The following SLC4A4 variants were observed in gnomAD, a reference collection of about 807,000 sequenced individuals.
SLC4A4 encodes solute carrier family 4 member 4, also known as electrogenic sodium bicarbonate cotransporter 1.
A neutral mutation model predicts 111.5 loss-of-function variants in SLC4A4; 27 were observed. The ratio of observed to expected loss-of-function variants is 0.24; its 90% CI spans 0.18 to 0.33. The LOEUF is 0.33. SLC4A4 is among the 10% of genes least tolerant of loss of function. The pLI is 1.00. For synonymous variants in SLC4A4, 443 were observed against 463.4 expected (o/e 0.96, Z 0.57); for missense variants, 909 against 1,315.5 (o/e 0.69, Z 4.78).
At chr4:71,323,819 A>C (rs1306623377) in intron 3 of SLC4A4, among the ~76,000 whole-genome samples, 3 of 145,498 alleles carry the variant, frequency 2.1e-5, no homozygotes, top group African/African-American at 8.4e-5. Flanking sequence ...TGGCATCCCC[A>C]AACTACTGTG....
At chr4:71,466,765 T>C (rs573216048) in intron 13 of SLC4A4, among the ~76,000 whole-genome samples, 188 bp downstream of exon 13, 215 of 152,100 alleles carry the variant, frequency 1.4e-3, no homozygotes, top group African/African-American at 4.9e-3. Context: ...GTGATTCGAC[T>C]GAGGCTCTTA....
chr4:71,423,329 A>C (rs1722750102), intron 7 of SLC4A4, among the ~76,000 whole-genome samples: 1 of 152,146 alleles, frequency 6.6e-6, no homozygotes, highest in East Asian at 1.9e-4. Flanking sequence ...CTGCTCAATG[A>C]AATAAAAGAG....
At chr4:71,115,996 G>A (rs1348186988) in intron 2 of SLC4A4, among the ~76,000 whole-genome samples, 1 of 152,212 alleles carries the variant, frequency 6.6e-6, no homozygotes, top group Non-Finnish European at 1.5e-5. Context: ...CCAGGTTGAA[G>A]CGATTCTCCT....
At chr4:71,317,771 C>T (rs1385218262) in intron 3 of SLC4A4, among the ~76,000 whole-genome samples, 1 of 151,890 alleles carries the variant, frequency 6.6e-6, no homozygotes, top group Non-Finnish European at 1.5e-5. Flanking sequence ...TCAGACAAAG[C>T]TACATAACTG....
intron 2 of SLC4A4, among the ~76,000 whole-genome samples, chr4:71,106,947 A>AATAAATAAATAAATAAATAG (rs1560722956): frequency 6.6e-6 from 1 of 151,338 alleles, no homozygotes; most frequent in African/African-American, 2.4e-5. Flanking sequence ...TAAATAAATA[A>AATAAATAAATAAATAAATAG]TAAGAAAAAA....
intron 2 of SLC4A4, among the ~76,000 whole-genome samples, chr4:71,118,707 G>C (rs1743338136): frequency 6.6e-6 from 1 of 152,068 alleles, no homozygotes; most frequent in South Asian, 2.1e-4. Flanking sequence ...GTATATTAAG[G>C]ATATTATTTA....
chr4:71,113,108 G>T (rs1257239463), intron 2 of SLC4A4, among the ~76,000 whole-genome samples: 1 of 152,174 alleles, frequency 6.6e-6, no homozygotes, highest in African/African-American at 2.4e-5. Context: ...TACATTTTGA[G>T]CTTGACCATA....
intron 20 of SLC4A4, among the ~76,000 whole-genome samples, chr4:71,550,325 C>T (rs1379640093): frequency 6.6e-6 from 1 of 151,930 alleles, no homozygotes; most frequent in Non-Finnish European, 1.5e-5. Flanking sequence ...AAGTCAGCTA[C>T]TTTCAGATTA....
At chr4:71,457,105 A>T (rs981555669) in intron 12 of SLC4A4, among the ~76,000 whole-genome samples, 1 of 152,164 alleles carries the variant, frequency 6.6e-6, no homozygotes, top group Non-Finnish European at 1.5e-5. Context: ...GAGTCACTGC[A>T]TGGCTGTTGT....
At chr4:71,422,249 A>C (rs1406272644) in intron 7 of SLC4A4, among the ~76,000 whole-genome samples, 15 of 143,696 alleles carry the variant, frequency 1.0e-4, no homozygotes, top group South Asian at 7.4e-4. Flanking sequence ...GAAATGGATA[A>C]ATTCCTCGAC....
chr4:71,435,038 A>G (rs1723994745), intron 7 of SLC4A4, among the ~76,000 whole-genome samples: 1 of 152,162 alleles, frequency 6.6e-6, no homozygotes, highest in Non-Finnish European at 1.5e-5. Flanking sequence ...TCAAACTACC[A>G]CTGAATTTCT....
chr4:71,333,995 G>T (rs777551687), intron 3 of SLC4A4, among the ~76,000 whole-genome samples: 1 of 152,146 alleles, frequency 6.6e-6, no homozygotes, highest in Non-Finnish European at 1.5e-5. Flanking sequence ...GAGCCTGCTT[G>T]GTACTCTGCT....
intron 2 of SLC4A4, among the ~76,000 whole-genome samples, chr4:71,123,329 A>C (rs1743483798): frequency 6.6e-6 from 1 of 152,228 alleles, no homozygotes; most frequent in Admixed American, 6.5e-5. Flanking sequence ...GCTAGGGAAA[A>C]AGAAAGTTTC....
Position 71,128,930 on chromosome 4 carries a change from T to C in SLC4A4, c.-2+36138T>C, listed in dbSNP as rs551917135. ...CTACCCTAACTTTCAACTTCGAGTG[T>C]CTCCTTTTTTTCTGGGTTACTCAAA... On this transcript the variant is annotated intron_variant, in intron 2 of 26. Transcript: ENST00000649996. 3.9e-5 allele frequency among the ~76,000 whole-genome samples: 6 copies of C among 152,286 alleles called. No individual in the cohort carries two copies. The South Asian group carries it at 1.2e-3, about 32-fold the overall frequency.
chr4:71,282,406 C>A (rs1299912510), intron 3 of SLC4A4, among the ~76,000 whole-genome samples: 1 of 151,868 alleles, frequency 6.6e-6, no homozygotes, highest in Non-Finnish European at 1.5e-5. Flanking sequence ...CTGCTTCAGC[C>A]TCCTGAGTAG....
intron 12 of SLC4A4, among the ~76,000 whole-genome samples, chr4:71,459,247 A>C (rs1726581872): frequency 6.6e-6 from 1 of 151,956 alleles, no homozygotes; most frequent in Non-Finnish European, 1.5e-5. Flanking sequence ...GTCTCAACTG[A>C]TGCTAAATTC....
chr4:71,146,517 C>T (rs1405712176), intron 2 of SLC4A4, among the ~76,000 whole-genome samples: 1 of 152,100 alleles, frequency 6.6e-6, no homozygotes, highest in Non-Finnish European at 1.5e-5. Flanking sequence ...AACTTTCTGT[C>T]TCGTTCACCT....
intron 1 of SLC4A4, among the ~76,000 whole-genome samples, chr4:71,075,624 A>G (rs1466315767): frequency 6.6e-6 from 1 of 152,078 alleles, no homozygotes; most frequent in Non-Finnish European, 1.5e-5. Flanking sequence ...GGCTCACTCC[A>G]GCTCTTCCTT....
intron 17 of SLC4A4, 116 bp downstream of exon 17, chr4:71,532,291 T>C (rs1332156011): frequency 1.3e-6 from 1 of 745,252 alleles, no homozygotes; most frequent in Non-Finnish European, 2.4e-6. Context: ...ATATTTTTTT[T>C]CCAAAATCAG....
Sources: gnomAD v4.1 joint callset for allele counts (sites outside exome capture counted in the v4.1 genomes callset) on GRCh38, gnomAD v4.1.1 for gene constraint, MANE v1.5 for transcripts, NCBI Gene and HGNC (gene_info 2026-07-23, HGNC 2026-07-21) for gene names.